Variants in PATJ observed in about 807,000 individuals in gnomAD.
PATJ encodes the protein inaD-like protein.
In PATJ, 190 loss-of-function variants were observed where a neutral mutation model predicts 224.9. The observed-to-expected ratio is 0.84, with a 90% CI of 0.75 to 0.95. The LOEUF is 0.95. Among genes scored for constraint, PATJ ranks in the 40% least tolerant of loss-of-function variants. The probability of loss-of-function intolerance (pLI) is 0.00; values close to 1 mark genes in which losing one functional copy is unlikely to be tolerated. For synonymous variants in PATJ, 769 were observed against 820.3 expected (o/e 0.94, Z 1.07); for missense variants, 2,121 against 2,270.3 (o/e 0.93, Z 1.34).
chr1:61,795,427 A>G, intron 9 of PATJ, 40 bp from the exon 10 acceptor site: 2 of 1,278,002 alleles, frequency 1.6e-6, no homozygotes, highest in Non-Finnish European at 2.2e-6. Flanking sequence ...AGGCCTAATT[A>G]GAATTTTCTT....
chr1:62,042,741 G>A (rs1651760548), intron 30 of PATJ, among the ~76,000 whole-genome samples: 1 of 152,050 alleles, frequency 6.6e-6, no homozygotes, highest in South Asian at 2.1e-4. Flanking sequence ...CAAACTCCTG[G>A]GCTCAAGCAA....
intron 21 of PATJ, among the ~76,000 whole-genome samples, chr1:61,878,091 A>T (rs967510414): frequency 4.6e-5 from 7 of 152,216 alleles, no homozygotes; most frequent in African/African-American, 1.7e-4. Context: ...AAACTGCACC[A>T]ACCTATGCAA....
intron 31 of PATJ, among the ~76,000 whole-genome samples, chr1:62,053,709 A>C (rs754513003): frequency 1.5e-5 from 2 of 136,828 alleles, no homozygotes; most frequent in Non-Finnish European, 3.4e-5. Context: ...AGAAGAGCGA[A>C]ATTCCGTCTA....
At chr1:62,023,403 C>G (rs979916904) in intron 29 of PATJ, among the ~76,000 whole-genome samples, 1 of 151,998 alleles carries the variant, frequency 6.6e-6, no homozygotes, top group African/African-American at 2.4e-5. Flanking sequence ...AAGAAACATT[C>G]ATTCATTTTT....
intron 31 of PATJ, among the ~76,000 whole-genome samples, chr1:62,068,553 G>A (rs12070254): frequency 0.061 from 9,239 of 152,232 alleles, 602 homozygotes; most frequent in African/African-American, 0.15. Flanking sequence ...TGGAAAATCC[G>A]TAGAATATTC....
chr1:62,116,542 G>C lies in PATJ; in HGVS notation c.4666G>C (p.Gly1556Arg). The change falls in exon 36 of 44, where the codon GGA (glycine) becomes CGA (arginine). Residue 1556 changes from glycine (G) to arginine (R), a missense_variant. Coordinates refer to ENST00000642238, the MANE Select transcript of PATJ (RefSeq NM_001350145.3). Reference sequence around the variant, plus strand: ...GTATGGTATTAACAGAAATGGAAGCGGAGTGTTTATTTCTGACATCGTGAA... The same window carrying C: ...GTATGGTATTAACAGAAATGGAAGCCGAGTGTTTATTTCTGACATCGTGAA... ...LSIVGKRNGS[G>R]VFISDIVKGG... 1 of 1,613,906 alleles carries C rather than the reference G, an allele frequency of 6.2e-7. No individual in the cohort carries two copies. Among genetic ancestry groups the C allele is most frequent in the African/African-American group, 1.3e-5 (1 of 75,026 alleles).
rs1026477526 is a variant in PATJ, at chr1:62,103,315, T to A, written c.4378-5122T>A. On this transcript the variant is annotated intron_variant, in intron 33 of 43. Coordinates refer to ENST00000642238, the MANE Select transcript of PATJ (RefSeq NM_001350145.3). Reference sequence around the variant, plus strand: ...AGACCTAGTCAAGTCTGAACCCTTATGAGCTTTCGTTTCCTCAGCTGTAAG... The same window carrying A: ...AGACCTAGTCAAGTCTGAACCCTTAAGAGCTTTCGTTTCCTCAGCTGTAAG... Among the ~76,000 whole-genome samples, 3 of 152,354 alleles carry A rather than the reference T, an allele frequency of 2.0e-5. No individual in the cohort carries two copies. In the South Asian group the frequency reaches 6.2e-4, roughly 32 times the overall value.
At chr1:62,043,983 G>A (rs560547386) in intron 30 of PATJ, among the ~76,000 whole-genome samples, 25 of 152,186 alleles carry the variant, frequency 1.6e-4, no homozygotes, top group African/African-American at 5.3e-4. Flanking sequence ...TCAGCCCCTC[G>A]AGACAGTGCT....
chr1:61,901,194 G>T, intron 23 of PATJ, 88 bp from the exon 24 acceptor site: 1 of 682,026 alleles, frequency 1.5e-6, no homozygotes, highest in Non-Finnish European at 2.2e-6. Flanking sequence ...TAAAATATGA[G>T]TCACAAGGAT....
At position 61,762,854 on chromosome 1, in the gene PATJ, T is replaced by G; in HGVS notation, c.-35-4T>G. 1 of 1,366,890 alleles carries G rather than the reference T, an allele frequency of 7.3e-7. No homozygotes were observed. The allele number at this position is 1,366,890 out of a possible 1,614,324, so 84.7% of individuals were successfully genotyped here. A position where few individuals can be genotyped will look rare whatever the true frequency, so the allele number is the denominator to read the frequency against. On this transcript the variant is annotated splice_region_variant and splice_polypyrimidine_tract_variant and intron_variant, in intron 1 of 43. Transcript: ENST00000642238. ...TCTTTTATATTGTTAAATTTTTTCT[T>G]TAGGTGTCTTTAAGAGTGATTGAAG...
chr1:62,084,756 G>A, intron 33 of PATJ, 108 bp downstream of exon 33: 1 of 1,060,210 alleles, frequency 9.4e-7, no homozygotes, highest in Non-Finnish European at 1.4e-6. Context: ...ATAGTATGAG[G>A]AGAAAATGTG....
At position 62,114,177 on chromosome 1, in the gene PATJ, T is replaced by C; in HGVS notation, c.4586T>C (p.Leu1529Ser). ...GCACACTACCGGGATGAGGAGAACT[T>C]GGAGATTTTCCCTGTGGATCTGCAG... ...DEAHYRDEEN[L>S]EIFPVDLQKK... The change falls in exon 35 of 44, where the codon TTG (leucine) becomes TCG (serine). Residue 1529 changes from leucine (L) to serine (S), a missense_variant. Physicochemically the swap from Leu to Ser is moderately radical, Grantham distance 145. Coordinates refer to ENST00000642238, the MANE Select transcript of PATJ (RefSeq NM_001350145.3). 6.2e-7 allele frequency: 1 copy of C among 1,614,030 alleles called. No individual in the cohort carries two copies.
chr1:61,829,423 C>A (rs1017730204), intron 16 of PATJ, among the ~76,000 whole-genome samples: 2 of 152,166 alleles, frequency 1.3e-5, no homozygotes, highest in African/African-American at 4.8e-5. Context: ...GATAACAATG[C>A]CTTTAATCTA....
At chr1:61,901,061 TG>T (rs1671086243) in intron 23 of PATJ, among the ~76,000 whole-genome samples, 1 of 152,252 alleles carries the variant, frequency 6.6e-6, no homozygotes, top group Non-Finnish European at 1.5e-5. Context: ...TTATATTTAT[TG>T]TTCTAGAAAT....
At chr1:62,053,220 T>C (rs1484566781) in intron 31 of PATJ, among the ~76,000 whole-genome samples, 1 of 152,194 alleles carries the variant, frequency 6.6e-6, no homozygotes, top group Admixed American at 6.5e-5. Flanking sequence ...CACCAACAAT[T>C]GAAGGCTTTC....
At chr1:61,836,782 C>T (rs547728387) in intron 17 of PATJ, among the ~76,000 whole-genome samples, 3 of 152,306 alleles carry the variant, frequency 2.0e-5, no homozygotes, top group Non-Finnish European at 4.4e-5. Flanking sequence ...TGAAAGGCCA[C>T]GTCCCTGGCT....
rs75119976 is a variant in PATJ at position 62,112,920 on chromosome 1, C to T, written c.4462-1133C>T. ...GGGTGGAAGGGTTTCAATCTTGGCT[C>T]CTCCACCTGCTAGCTGTGTAACCTG... On this transcript the variant is annotated intron_variant, in intron 34 of 43. Transcript: ENST00000642238. 1.1e-3 allele frequency among the ~76,000 whole-genome samples: 174 copies of T among 152,294 alleles called. 8 individuals carry two copies. The East Asian group carries it at 0.03, about 27-fold the overall frequency.
chr1:61,999,225 T>G (rs377723741), intron 28 of PATJ, among the ~76,000 whole-genome samples: 20 of 152,308 alleles, frequency 1.3e-4, no homozygotes, highest in African/African-American at 4.1e-4. Context: ...CTGGGATTGT[T>G]CTCTGGGCCT....
intron 22 of PATJ, among the ~76,000 whole-genome samples, chr1:61,886,665 C>A (rs1430542921): frequency 6.6e-6 from 1 of 151,150 alleles, no homozygotes; most frequent in Non-Finnish European, 1.5e-5. Flanking sequence ...ACTAAAAATA[C>A]AAAAATTAGC....
Sources: gnomAD v4.1 joint callset for allele counts (sites outside exome capture counted in the v4.1 genomes callset) on GRCh38, gnomAD v4.1.1 for gene constraint, MANE v1.5 for transcripts, NCBI Gene and HGNC (gene_info 2026-07-23, HGNC 2026-07-21) for gene names.